DLG2: variants seen among roughly 807,000 people sequenced by gnomAD.
DLG2 encodes disks large homolog 2.
A neutral mutation model predicts 132.5 loss-of-function variants in DLG2; 45 were observed. The ratio of observed to expected loss-of-function variants is 0.34; its 90% CI spans 0.27 to 0.44. The LOEUF (loss-of-function observed/expected upper bound fraction) is 0.44. Ranked by LOEUF, DLG2 falls within the 20% of genes least tolerant of loss-of-function variation. The pLI, the probability that DLG2 is intolerant of heterozygous loss-of-function variation, is 1.00. For synonymous variants in DLG2, 424 were observed against 419.6 expected (o/e 1.01, Z -0.13); for missense variants, 1,045 against 1,196.9 (o/e 0.87, Z 1.87).
chr11:84,031,580 G>C (rs1414675186), intron 11 of DLG2, among the ~76,000 whole-genome samples: 2 of 152,124 alleles, frequency 1.3e-5, no homozygotes, highest in Non-Finnish European at 2.9e-5. Context: ...AGTAAACTAG[G>C]TATGAATGTA....
At chr11:84,848,307 A>G (rs2048607256) in intron 6 of DLG2, among the ~76,000 whole-genome samples, 1 of 152,070 alleles carries the variant, frequency 6.6e-6, no homozygotes, top group Non-Finnish European at 1.5e-5. Context: ...TAGCCTGGAC[A>G]ACATAGTGAA....
At chr11:84,261,580 T>C (rs1418675823) in intron 7 of DLG2, among the ~76,000 whole-genome samples, 1 of 152,196 alleles carries the variant, frequency 6.6e-6, no homozygotes, top group African/African-American at 2.4e-5. Context: ...ACCCTGACAT[T>C]CTGAATGAAT....
At chr11:84,884,729 A>T (rs1196455887) in intron 6 of DLG2, among the ~76,000 whole-genome samples, 2 of 151,844 alleles carry the variant, frequency 1.3e-5, no homozygotes, top group Non-Finnish European at 2.9e-5. Context: ...TATCCAGGGG[A>T]TACAGTATTG....
At chr11:84,195,227 G>A (rs547421326) in intron 8 of DLG2, among the ~76,000 whole-genome samples, 119 of 152,192 alleles carry the variant, frequency 7.8e-4, no homozygotes, top group Admixed American at 1.3e-3. Context: ...GCAGTGGTGC[G>A]GTCTCAGCTC....
chr11:85,574,591 T>C (rs776489391), intron 3 of DLG2, among the ~76,000 whole-genome samples: 1 of 152,160 alleles, frequency 6.6e-6, no homozygotes, highest in Non-Finnish European at 1.5e-5. Context: ...TAGTGGAAGA[T>C]GTTTGTGTCA....
chr11:85,271,199 T>C (rs1464582887), intron 4 of DLG2, among the ~76,000 whole-genome samples: 1 of 152,192 alleles, frequency 6.6e-6, no homozygotes, highest in Non-Finnish European at 1.5e-5. Flanking sequence ...AGGTAAAGCT[T>C]AGGTCATGGC....
chr11:85,440,713 C>A (rs182824057), intron 3 of DLG2, among the ~76,000 whole-genome samples: 97 of 152,160 alleles, frequency 6.4e-4, no homozygotes, highest in African/African-American at 2.2e-3. Flanking sequence ...TAAACACAAC[C>A]ATATTATCAT....
chr11:83,765,134 G>C lies in DLG2; in HGVS notation c.1825+21556C>G, dbSNP rs1437370417. Among the ~76,000 whole-genome samples, 3 of 152,272 alleles carry C rather than the reference G, an allele frequency of 2.0e-5. No individual in the cohort carries two copies. The East Asian group carries it at 5.8e-4, about 29-fold the overall frequency. On this transcript the variant is annotated intron_variant, in intron 18 of 27. Coordinates refer to ENST00000376104, the MANE Select transcript of DLG2 (RefSeq NM_001142699.3). Reference sequence around the variant, plus strand: ...ACTTTCTTTGTTCTTTTTTGTCCTGGCATTGTAAAATATAGCCTAAAGAAA... The same window carrying C: ...ACTTTCTTTGTTCTTTTTTGTCCTGCCATTGTAAAATATAGCCTAAAGAAA...
intron 6 of DLG2, among the ~76,000 whole-genome samples, chr11:84,931,977 C>T (rs2048149583): frequency 6.6e-6 from 1 of 151,962 alleles, no homozygotes. Flanking sequence ...TGCTTTTTTT[C>T]TTGTAAATTT....
intron 3 of DLG2, among the ~76,000 whole-genome samples, chr11:85,489,920 C>A (rs1038785619): frequency 1.3e-5 from 2 of 151,802 alleles, no homozygotes; most frequent in African/African-American, 2.4e-5. Context: ...ATATTTTTTT[C>A]TTGTCCAGGT....
chr11:83,810,061 G>A (rs1036098694), intron 17 of DLG2, among the ~76,000 whole-genome samples: 2 of 152,138 alleles, frequency 1.3e-5, no homozygotes, highest in African/African-American at 4.8e-5. Context: ...ACTACAATGT[G>A]TTTTCCAGGA....
At chr11:83,802,954 T>A (rs1237686643) in intron 17 of DLG2, among the ~76,000 whole-genome samples, 1 of 152,104 alleles carries the variant, frequency 6.6e-6, no homozygotes, top group African/African-American at 2.4e-5. Context: ...CTTAACAGTA[T>A]GTGAATATTT....
At chr11:84,552,027 T>G (rs1223697404) in intron 6 of DLG2, among the ~76,000 whole-genome samples, 2 of 152,094 alleles carry the variant, frequency 1.3e-5, no homozygotes, top group Non-Finnish European at 2.9e-5. Context: ...CCAAGATGGT[T>G]TACATTAGAC....
At chr11:85,252,215 C>T (rs2076429724) in intron 4 of DLG2, among the ~76,000 whole-genome samples, 1 of 152,172 alleles carries the variant, frequency 6.6e-6, no homozygotes, top group African/African-American at 2.4e-5. Context: ...TCTGTGATAT[C>T]AGAGTAGGGA....
chr11:83,809,285 G>C (rs1403262897), intron 17 of DLG2, among the ~76,000 whole-genome samples: 1 of 152,146 alleles, frequency 6.6e-6, no homozygotes, highest in Non-Finnish European at 1.5e-5. Context: ...AGAGGAGCTT[G>C]CTCCTGAAAA....
chr11:84,795,714 C>T (rs1034438654), intron 6 of DLG2, among the ~76,000 whole-genome samples: 11 of 152,118 alleles, frequency 7.2e-5, no homozygotes, highest in Admixed American at 1.3e-4. Context: ...GAGAAGAGCT[C>T]CAGCCCTTTG....
chr11:85,159,224 C>G (rs2088018), intron 4 of DLG2, among the ~76,000 whole-genome samples: 5,610 of 152,192 alleles, frequency 0.037, 142 homozygotes, highest in African/African-American at 0.062. Context: ...TTATAGAGAT[C>G]AGGTAATTCA....
At chr11:84,064,998 A>G (rs1028762077) in intron 10 of DLG2, among the ~76,000 whole-genome samples, 2 of 152,176 alleles carry the variant, frequency 1.3e-5, no homozygotes, top group Non-Finnish European at 2.9e-5. Context: ...AATGGTGCTG[A>G]GATAACTGGA....
intron 12 of DLG2, among the ~76,000 whole-genome samples, chr11:83,966,230 G>C (rs1004151431): frequency 6.6e-6 from 1 of 151,874 alleles, no homozygotes; most frequent in African/African-American, 2.4e-5. Context: ...AGATGAACCG[G>C]TTTACTCTCA....
Sources: allele counts gnomAD v4.1 joint callset (sites outside exome capture counted in the v4.1 genomes callset), GRCh38; gene constraint gnomAD v4.1.1; transcripts MANE v1.5; gene names NCBI Gene and HGNC (gene_info 2026-07-23, HGNC 2026-07-21).